Variants in LEKR1 observed in about 807,000 individuals in gnomAD.
LEKR1 encodes leucine, glutamate and lysine rich 1, also known as protein LEKR1.
In LEKR1, 59 loss-of-function variants were observed where a neutral mutation model predicts 72.4. The ratio of observed to expected loss-of-function variants is 0.82; its 90% CI spans 0.66 to 1.01. The LOEUF (loss-of-function observed/expected upper bound fraction) is 1.01, where lower values mean the gene tolerates loss of function less well. Among genes scored for constraint, LEKR1 ranks in the 50% least tolerant of loss-of-function variants. The probability of loss-of-function intolerance (pLI) is 0.00; values close to 1 mark genes in which losing one functional copy is unlikely to be tolerated. For synonymous variants in LEKR1, 257 were observed against 263.2 expected (o/e 0.98, Z 0.23); for missense variants, 728 against 759.2 (o/e 0.96, Z 0.48).
At chr3:156,843,002 A>G (rs928475452) in intron 2 of LEKR1, among the ~76,000 whole-genome samples, 1 of 152,160 alleles carries the variant, frequency 6.6e-6, no homozygotes, top group African/African-American at 2.4e-5. Context: ...TATTTAGATC[A>G]TATCTCTAAA....
At chr3:156,967,407 A>C (rs1560113823) in intron 6 of LEKR1, among the ~76,000 whole-genome samples, 1 of 152,220 alleles carries the variant, frequency 6.6e-6, no homozygotes. Flanking sequence ...TAACTAGAAT[A>C]ACCAGTGCAG....
At chr3:156,980,020 A>T (rs1472339683) in intron 7 of LEKR1, 1 of 152,190 alleles carries the variant, frequency 6.6e-6, no homozygotes, top group Admixed American at 6.6e-5. Context: ...TCTCAAAATG[A>T]ATAAATAAGT....
At chr3:156,886,662 A>G (rs1036728193) in intron 3 of LEKR1, among the ~76,000 whole-genome samples, 7 of 152,106 alleles carry the variant, frequency 4.6e-5, no homozygotes, top group Admixed American at 4.6e-4. Flanking sequence ...GGGACTCCCT[A>G]AATCCATTTC....
At chr3:156,982,131 T>C (rs997747526) in intron 7 of LEKR1, among the ~76,000 whole-genome samples, 4 of 152,248 alleles carry the variant, frequency 2.6e-5, no homozygotes, top group African/African-American at 9.6e-5. Context: ...AACGTTGTTA[T>C]GTATTTAAAA....
At chr3:156,948,281 A>G (rs149663168) in intron 6 of LEKR1, among the ~76,000 whole-genome samples, 72 of 151,232 alleles carry the variant, frequency 4.8e-4, no homozygotes, top group Non-Finnish European at 8.5e-4. Context: ...CCATAAATAG[A>G]CTATTTTTCC....
intron 3 of LEKR1, among the ~76,000 whole-genome samples, chr3:156,875,871 T>C (rs1389652521): frequency 6.6e-6 from 1 of 151,382 alleles, no homozygotes; most frequent in African/African-American, 2.4e-5. Flanking sequence ...GGCGGGTGCC[T>C]GTAGTCCCAG....
At chr3:156,881,970 C>G (rs1281022491) in intron 3 of LEKR1, among the ~76,000 whole-genome samples, 4 of 146,784 alleles carry the variant, frequency 2.7e-5, no homozygotes, top group East Asian at 2.0e-4. Context: ...GAAACTGGAT[C>G]CCTTCCTTAC....
At chr3:156,885,856 T>C (rs1195123068) in intron 3 of LEKR1, among the ~76,000 whole-genome samples, 1 of 152,222 alleles carries the variant, frequency 6.6e-6, no homozygotes, top group Admixed American at 6.5e-5. Context: ...AGGGTTATTC[T>C]GTTGTGAGTT....
At chr3:156,908,311 G>A (rs1330359024) in intron 3 of LEKR1, among the ~76,000 whole-genome samples, 1 of 152,058 alleles carries the variant, frequency 6.6e-6, no homozygotes, top group African/African-American at 2.4e-5. Flanking sequence ...ACTATCAGTA[G>A]AGTTTGCCTG....
intron 3 of LEKR1, among the ~76,000 whole-genome samples, chr3:156,854,609 C>T (rs1300288449): frequency 2.6e-5 from 4 of 151,080 alleles, no homozygotes; most frequent in African/African-American, 9.7e-5. Context: ...GCACTATACA[C>T]GGCTCACTGT....
chr3:157,044,634 G>A (rs1020929580), intron 12 of LEKR1, among the ~76,000 whole-genome samples: 1 of 152,104 alleles, frequency 6.6e-6, no homozygotes, highest in Non-Finnish European at 1.5e-5. Context: ...AACCTACGAA[G>A]GTACAAACTT....
intron 6 of LEKR1, among the ~76,000 whole-genome samples, chr3:156,946,695 G>A (rs559797737): frequency 3.3e-5 from 5 of 151,376 alleles, no homozygotes; most frequent in East Asian, 1.9e-4. Context: ...CAACTGAAAC[G>A]ATCCTATGAT....
chr3:157,018,608 G>T (rs1283113117), intron 10 of LEKR1, among the ~76,000 whole-genome samples: 4 of 151,946 alleles, frequency 2.6e-5, no homozygotes, highest in African/African-American at 4.8e-5. Flanking sequence ...GTAGGGGTTG[G>T]GGGGACAGCT....
chr3:156,833,923 AG>A (rs1157987136), intron 2 of LEKR1, among the ~76,000 whole-genome samples: 1 of 147,526 alleles, frequency 6.8e-6, no homozygotes, highest in African/African-American at 2.5e-5. Flanking sequence ...TTTTTTTTGC[AG>A]TTTACTTAAA....
chr3:157,033,218 T>A (rs754111170), intron 12 of LEKR1, among the ~76,000 whole-genome samples: 1 of 152,108 alleles, frequency 6.6e-6, no homozygotes, highest in Non-Finnish European at 1.5e-5. Context: ...AAAGGAAGAA[T>A]TACACATCTC....
chr3:156,926,927 A>C (rs968554654), intron 4 of LEKR1, among the ~76,000 whole-genome samples: 1 of 151,932 alleles, frequency 6.6e-6, no homozygotes, highest in Non-Finnish European at 1.5e-5. Flanking sequence ...GAGATGACAA[A>C]AATGTGATTA....
intron 3 of LEKR1, among the ~76,000 whole-genome samples, chr3:156,907,505 G>T (rs1246001305): frequency 5.3e-5 from 8 of 151,980 alleles, no homozygotes; most frequent in Non-Finnish European, 1.0e-4. Flanking sequence ...TGACCATGAA[G>T]ACTGTTTCCT....
intron 9 of LEKR1, among the ~76,000 whole-genome samples, chr3:156,997,365 C>A (rs780103454): frequency 1.3e-5 from 2 of 152,192 alleles, no homozygotes; most frequent in Admixed American, 1.3e-4. Context: ...ACCAATGGGA[C>A]TTTTAAATAA....
intron 9 of LEKR1, among the ~76,000 whole-genome samples, chr3:156,996,617 A>G (rs1200692460): frequency 6.6e-6 from 1 of 152,212 alleles, no homozygotes; most frequent in East Asian, 1.9e-4. Context: ...CTGTTTTGAT[A>G]AAGGATTTTA....
Sources: allele counts gnomAD v4.1 joint callset (sites outside exome capture counted in the v4.1 genomes callset), GRCh38; gene constraint gnomAD v4.1.1; transcripts MANE v1.5; gene names NCBI Gene and HGNC (gene_info 2026-07-23, HGNC 2026-07-21).